Variants in DCDC1 observed in about 807,000 individuals in gnomAD.
The protein encoded by DCDC1 is doublecortin domain containing 1, also known as doublecortin domain-containing protein 1.
Under a neutral mutation model 178.3 loss-of-function variants are expected in DCDC1, and 200 were observed. The observed-to-expected ratio is 1.12, with a 90% CI of 1.00 to 1.26. DCDC1 has a LOEUF of 1.26. DCDC1 is among the 50% of genes most tolerant of loss of function. DCDC1 has a pLI of 0.00. For synonymous variants in DCDC1, 690 were observed against 604.8 expected (o/e 1.14, Z -2.07); for missense variants, 1,983 against 1,749.2 (o/e 1.13, Z -2.38).
chr11:31,014,761 G>A (rs1396044637), intron 20 of DCDC1, among the ~76,000 whole-genome samples: 2 of 151,948 alleles, frequency 1.3e-5, no homozygotes, highest in East Asian at 1.9e-4. Flanking sequence ...ACCATAAGGC[G>A]TCCACTCAGT....
At chr11:31,258,854 A>G (rs551470875) in intron 8 of DCDC1, among the ~76,000 whole-genome samples, 5 of 152,316 alleles carry the variant, frequency 3.3e-5, no homozygotes, top group African/African-American at 1.2e-4. Flanking sequence ...CACTCCTAAG[A>G]CAAGATGGAT....
intron 20 of DCDC1, among the ~76,000 whole-genome samples, chr11:31,029,388 C>A (rs1419372517): frequency 6.6e-6 from 1 of 151,976 alleles, no homozygotes. Flanking sequence ...TGTTCTGTTT[C>A]TGTTAAGTGG....
intron 20 of DCDC1, among the ~76,000 whole-genome samples, chr11:30,993,155 A>G (rs1951079756): frequency 6.6e-6 from 1 of 152,118 alleles, no homozygotes; most frequent in African/African-American, 2.4e-5. Context: ...ACTTCTTCAA[A>G]ATACTATGTG....
Position 31,321,645 on chromosome 11 carries a change from G to A in DCDC1, c.164+6472C>T, listed in dbSNP as rs149979437. Among the ~76,000 whole-genome samples, 1,207 of 152,186 alleles carry A rather than the reference G, an allele frequency of 7.9e-3. 15 individuals carry two copies. The highest frequency in any genetic ancestry group is 0.027 in the African/African-American group (1,129 of 41,514). On this transcript the variant is annotated intron_variant, in intron 3 of 38. Transcript: ENST00000684477. ...TCGCTCACGCTGGGAGCTGTAGACC[G>A]GAGCTGTTCCTATTCGGCCATCTTG...
chr11:31,188,038 G>A (rs1303691334), intron 9 of DCDC1, among the ~76,000 whole-genome samples: 2 of 151,802 alleles, frequency 1.3e-5, no homozygotes, highest in African/African-American at 4.8e-5. Context: ...CTATATTGAG[G>A]AGGAAGGATT....
chr11:31,116,318 T>C (rs1014836984), intron 11 of DCDC1, among the ~76,000 whole-genome samples: 3 of 152,086 alleles, frequency 2.0e-5, no homozygotes, highest in Non-Finnish European at 2.9e-5. Context: ...AAATATTATA[T>C]AGTTGAGTTT....
At chr11:30,911,813 A>AC (rs1288097195) in intron 27 of DCDC1, among the ~76,000 whole-genome samples, 1 of 152,116 alleles carries the variant, frequency 6.6e-6, no homozygotes, top group Non-Finnish European at 1.5e-5. Context: ...CTCCTAGTGT[A>AC]CCACCATCCC....
chr11:30,915,621 C>G lies in DCDC1; in HGVS notation c.3543G>C (p.Gln1181His). 1 of 1,613,976 alleles carries G rather than the reference C, an allele frequency of 6.2e-7. No homozygotes were observed. The highest frequency in any genetic ancestry group is 8.5e-7 in the Non-Finnish European group (1 of 1,179,866). ...TGGGACCTTGAACCCCCAAGACTAG[C>G]TGAGGAGCAGCATGGCTTATAATCT... Reference protein sequence around the residue: ...DGQIISHAAPQLVLGVQGPNL... With the variant: ...DGQIISHAAPHLVLGVQGPNL... Residue 1181 changes from glutamine (Q) to histidine (H), a missense_variant, in exon 27 of 39, where the codon CAG (glutamine) becomes CAC (histidine). Physicochemically the swap from Gln to His is conservative, Grantham distance 24. Transcript: ENST00000684477.
chr11:30,892,735 T>A, intron 36 of DCDC1, 83 bp downstream of exon 36: 4 of 1,529,158 alleles, frequency 2.6e-6, no homozygotes, highest in Non-Finnish European at 2.7e-6. Context: ...ATAGAAGTAA[T>A]TTGCTTGACC....
chr11:30,914,632 CAAA>C lies in DCDC1; in HGVS notation c.3653+876_3653+878del, dbSNP rs11355322. Among the ~76,000 whole-genome samples, 866 of 100,832 alleles carry C rather than the reference CAAA, an allele frequency of 8.6e-3. 10 individuals carry two copies. Among genetic ancestry groups the C allele is most frequent in the African/African-American group, 0.028 (773 of 27,680 alleles). 66.1% of individuals were successfully genotyped at this position (100,832 alleles called of 152,430 possible). A position where few individuals can be genotyped will look rare whatever the true frequency, so the allele number is the denominator to read the frequency against. On this transcript the variant is annotated intron_variant, in intron 27 of 38. Coordinates refer to ENST00000684477, the MANE Select transcript of DCDC1 (RefSeq NM_001387274.1). Reference sequence around the variant, plus strand: ...ATTAAAGAAATGTTCCATATGCACCCAAAAAAAAAAAAAAAAAAAAAGAGAGAG... The same window carrying C: ...ATTAAAGAAATGTTCCATATGCACCCAAAAAAAAAAAAAAAAAAGAGAGAG...
At chr11:30,978,043 T>C (rs1950193967) in intron 20 of DCDC1, among the ~76,000 whole-genome samples, 1 of 152,272 alleles carries the variant, frequency 6.6e-6, no homozygotes, top group African/African-American at 2.4e-5. Flanking sequence ...TAATTAGAAT[T>C]CTTTTTCTGT....
intron 10 of DCDC1, among the ~76,000 whole-genome samples, chr11:31,129,262 C>T (rs966008989): frequency 4.6e-5 from 7 of 152,004 alleles, no homozygotes; most frequent in Admixed American, 2.6e-4. Flanking sequence ...TTACCAAGAC[C>T]TTTACAAGTG....
At chr11:30,895,373 G>T (rs1944117561) in intron 34 of DCDC1, among the ~76,000 whole-genome samples, 1 of 152,166 alleles carries the variant, frequency 6.6e-6, no homozygotes, top group African/African-American at 2.4e-5. Flanking sequence ...AACAGGAGTT[G>T]CTAACCTAGT....
chr11:30,986,687 G>A (rs1360126791), intron 20 of DCDC1, among the ~76,000 whole-genome samples: 2 of 152,106 alleles, frequency 1.3e-5, no homozygotes, highest in Non-Finnish European at 2.9e-5. Context: ...AGACTGGGGT[G>A]TTAAGTATTT....
At chr11:30,873,079 G>GTC (rs887060085) in intron 38 of DCDC1, among the ~76,000 whole-genome samples, 21 of 148,476 alleles carry the variant, frequency 1.4e-4, no homozygotes, top group South Asian at 1.1e-3. Flanking sequence ...CTCTCTCTCT[G>GTC]TCTCTCTCTC....
chr11:31,131,269 T>C (rs964553878), intron 10 of DCDC1, among the ~76,000 whole-genome samples: 2 of 150,378 alleles, frequency 1.3e-5, no homozygotes, highest in African/African-American at 4.9e-5. Context: ...GAGAAGGTGA[T>C]TGGGGGAAAT....
At chr11:31,241,790 T>C (rs905503167) in intron 8 of DCDC1, 174 bp from the exon 9 acceptor site, 4 of 370,694 alleles carry the variant, frequency 1.1e-5, no homozygotes, top group African/African-American at 6.3e-5. Context: ...ATGAAGGATG[T>C]ATTTATATTG....
At chr11:30,933,061 C>T (rs1344408641) in intron 21 of DCDC1, among the ~76,000 whole-genome samples, 3 of 151,972 alleles carry the variant, frequency 2.0e-5, no homozygotes, top group Admixed American at 6.6e-5. Flanking sequence ...AATGACCATC[C>T]TGTAAAATAT....
In DCDC1 at chr11:30,941,255, T is replaced by C. The variant is rs147184642; in HGVS notation, c.2716-9303A>G. ...CTCAGCCCATTTTACTCTATTGTCA[T>C]AATGATCCTATTTATCCTTAAGTCA... On this transcript the variant is annotated intron_variant, in intron 21 of 38. Transcript: ENST00000684477. Among the ~76,000 whole-genome samples the C allele has an allele frequency of 5.3e-5, 8 of 152,308 alleles. No homozygotes were observed. The East Asian group carries it at 1.5e-3, about 29-fold the overall frequency.
Sources: allele counts gnomAD v4.1 joint callset (sites outside exome capture counted in the v4.1 genomes callset), GRCh38; gene constraint gnomAD v4.1.1; transcripts MANE v1.5; gene names NCBI Gene and HGNC (gene_info 2026-07-23, HGNC 2026-07-21).